Variants in PDGFD observed in about 807,000 individuals in gnomAD.
The protein encoded by PDGFD is platelet derived growth factor D.
PDGFD carries 30 observed loss-of-function variants against 44.7 expected under a neutral mutation model. The observed-to-expected ratio is 0.67, with a 90% confidence interval of 0.50 to 0.91. The LOEUF (loss-of-function observed/expected upper bound fraction) is 0.91. Ranked by LOEUF, PDGFD falls within the 40% of genes least tolerant of loss-of-function variation. PDGFD has a pLI of 0.00. For missense variants in PDGFD, 445 were observed against 457.8 expected (o/e 0.97, Z 0.25); for synonymous variants, 173 against 168.4 (o/e 1.03, Z -0.21).
Position 104,122,177 on chromosome 11 carries a change from GCA to G in PDGFD, c.124+41625_124+41626del, listed in dbSNP as rs1390048071. Among the ~76,000 whole-genome samples, 5 of 148,608 alleles carry G rather than the reference GCA, an allele frequency of 3.4e-5. No homozygotes were observed. In the East Asian group the frequency reaches 1.1e-3, roughly 32 times the overall value. ...ACATAGACAAGCAAGCTGGAAGCTT[GCA>G]CAGGGGAATGCTGGCAGCTGTGCCA... On this transcript the variant is annotated intron_variant, in intron 1 of 6. Transcript: ENST00000393158.
intron 1 of PDGFD, among the ~76,000 whole-genome samples, chr11:104,073,153 G>C (rs1449367778): frequency 6.6e-6 from 1 of 151,770 alleles, no homozygotes; most frequent in East Asian, 1.9e-4. Flanking sequence ...TCCAAAATTA[G>C]CATAAAAAAA....
chr11:104,081,852 T>C (rs981603659), intron 1 of PDGFD, among the ~76,000 whole-genome samples: 6 of 152,244 alleles, frequency 3.9e-5, no homozygotes, highest in African/African-American at 1.4e-4. Context: ...TTTGAACTCC[T>C]CTTGCAATTC....
chr11:104,026,226 T>G (rs1034512771), intron 1 of PDGFD, among the ~76,000 whole-genome samples: 2 of 152,248 alleles, frequency 1.3e-5, no homozygotes, highest in Non-Finnish European at 2.9e-5. Flanking sequence ...CTTCCTATTT[T>G]GATCCTAATC....
intron 1 of PDGFD, among the ~76,000 whole-genome samples, chr11:104,130,619 C>T (rs945654749): frequency 6.6e-6 from 1 of 152,092 alleles, no homozygotes; most frequent in Non-Finnish European, 1.5e-5. Flanking sequence ...TCTTTCTGTT[C>T]GAATAAACCA....
intron 5 of PDGFD, among the ~76,000 whole-genome samples, chr11:103,937,220 T>C (rs924095616): frequency 6.6e-6 from 1 of 152,196 alleles, no homozygotes; most frequent in African/African-American, 2.4e-5. Context: ...AATTATTAAT[T>C]TAAAACTATT....
intron 1 of PDGFD, among the ~76,000 whole-genome samples, chr11:104,137,252 C>G (rs1048744575): frequency 2.0e-5 from 3 of 151,828 alleles, no homozygotes; most frequent in African/African-American, 7.3e-5. Flanking sequence ...GAGCTGTATC[C>G]TAAATAAATA....
At position 103,909,269 on chromosome 11, in the gene PDGFD, T is replaced by A. The variant is rs1857989922; in HGVS notation, c.*425A>T. ...TGTTTTGTGTTTCAAAATTTAAAAATAAATTTATCTCCTAAATTTTCTAAA... is the reference window on the plus strand; with the variant it reads ...TGTTTTGTGTTTCAAAATTTAAAAAAAAATTTATCTCCTAAATTTTCTAAA... On this transcript the variant is annotated 3_prime_UTR_variant, in exon 7 of 7. Transcript: ENST00000393158. 6.5e-6 allele frequency: 1 copy of A among 153,002 alleles called. No homozygotes were observed. Among genetic ancestry groups the A allele is most frequent in the Non-Finnish European group, 1.5e-5 (1 of 68,592 alleles). The allele number at this position is 153,002 out of a possible 1,614,324, so 9.5% of individuals were successfully genotyped here.
intron 3 of PDGFD, among the ~76,000 whole-genome samples, chr11:103,988,595 G>A (rs569023351): frequency 4.9e-4 from 75 of 152,310 alleles, no homozygotes; most frequent in African/African-American, 1.7e-3. Context: ...TACAGAGGAT[G>A]TTATGGATGA....
At chr11:103,919,849 G>A (rs1858185303) in intron 6 of PDGFD, among the ~76,000 whole-genome samples, 1 of 104,098 alleles carries the variant, frequency 9.6e-6, no homozygotes, top group African/African-American at 6.2e-5. Context: ...AGCACACACA[G>A]TTTCTCAAGG....
rs572165800 is a variant in PDGFD at position 103,919,135 on chromosome 11, G to A, written c.987+7777C>T. ...CACTCTGGAAAACCACACAAAGCCA[G>A]GGAAACTTGACGTCTACTAAATGGA... is the stretch of plus-strand genomic sequence containing the variant. On this transcript the variant is annotated intron_variant, in intron 6 of 6. Coordinates refer to ENST00000393158, the MANE Select transcript of PDGFD (RefSeq NM_025208.5). Among the ~76,000 whole-genome samples the A allele has an allele frequency of 8.5e-5, 13 of 152,294 alleles. 1 individual carries two copies. The highest frequency in any genetic ancestry group is 7.8e-4 in the Admixed American group (12 of 15,294).
At chr11:104,142,823 T>C (rs755633426) in intron 1 of PDGFD, among the ~76,000 whole-genome samples, 57 of 152,316 alleles carry the variant, frequency 3.7e-4, no homozygotes, top group Non-Finnish European at 6.6e-4. Context: ...AATGTTACGA[T>C]GCCTCCAGGG....
At chr11:103,971,474 G>A (rs978962688) in intron 3 of PDGFD, among the ~76,000 whole-genome samples, 22 of 151,754 alleles carry the variant, frequency 1.4e-4, no homozygotes, top group South Asian at 4.2e-4. Context: ...TTTTGCTTAC[G>A]GACATTTATT....
intron 5 of PDGFD, among the ~76,000 whole-genome samples, chr11:103,930,200 T>C (rs538547428): frequency 1.3e-5 from 2 of 152,326 alleles, no homozygotes; most frequent in African/African-American, 4.8e-5. Context: ...CCTCAAAAAC[T>C]TCCTTTGGAC....
intron 1 of PDGFD, among the ~76,000 whole-genome samples, chr11:104,013,564 T>C (rs1859815573): frequency 6.6e-6 from 1 of 152,070 alleles, no homozygotes; most frequent in Admixed American, 6.6e-5. Context: ...TTGCAAGTCC[T>C]GTGAAGGGGT....
chr11:104,113,537 T>C (rs1000774919), intron 1 of PDGFD, among the ~76,000 whole-genome samples: 2 of 152,026 alleles, frequency 1.3e-5, no homozygotes, highest in African/African-American at 4.8e-5. Context: ...TCTTGGTTGC[T>C]TCCAAGTTTT....
At chr11:103,931,196 T>C (rs1231650032) in intron 5 of PDGFD, among the ~76,000 whole-genome samples, 2 of 152,236 alleles carry the variant, frequency 1.3e-5, no homozygotes, top group Admixed American at 6.5e-5. Context: ...AACATATTTA[T>C]TATTTTATAC....
intron 1 of PDGFD, among the ~76,000 whole-genome samples, chr11:104,159,232 C>T (rs1862354758): frequency 6.6e-6 from 1 of 150,834 alleles, no homozygotes; most frequent in African/African-American, 2.4e-5. Flanking sequence ...AAAGAATGAT[C>T]TGAAAAGAGA....
chr11:103,960,482 C>T (rs538672711), intron 3 of PDGFD, among the ~76,000 whole-genome samples: 1 of 152,262 alleles, frequency 6.6e-6, no homozygotes, highest in South Asian at 2.1e-4. Flanking sequence ...GTTTTATTCA[C>T]TATTTGACTG....
intron 1 of PDGFD, among the ~76,000 whole-genome samples, chr11:104,063,996 G>A (rs1166302412): frequency 6.6e-6 from 1 of 152,304 alleles, no homozygotes; most frequent in East Asian, 1.9e-4. Flanking sequence ...ATGGTAAGTG[G>A]TGGAGTCCAT....
Sources: gnomAD v4.1 joint callset for allele counts (sites outside exome capture counted in the v4.1 genomes callset) on GRCh38, gnomAD v4.1.1 for gene constraint, MANE v1.5 for transcripts, NCBI Gene and HGNC (gene_info 2026-07-23, HGNC 2026-07-21) for gene names.